Variants in MARCHF1 observed in about 807,000 individuals in gnomAD.
MARCHF1 encodes E3 ubiquitin-protein ligase MARCHF1.
Under a neutral mutation model 54.2 loss-of-function variants are expected in MARCHF1, and 40 were observed. That is an observed-to-expected ratio of 0.74 (90% confidence interval 0.57 to 0.96). The LOEUF (loss-of-function observed/expected upper bound fraction) is 0.96. Ranked by LOEUF, MARCHF1 falls within the 40% of genes least tolerant of loss-of-function variation. The pLI is 0.00. For missense variants in MARCHF1, 586 were observed against 656.5 expected (o/e 0.89, Z 1.17); for synonymous variants, 236 against 236.3 (o/e 1.00, Z 0.01).
At chr4:164,218,036 T>C (rs1159297106) in intron 1 of MARCHF1, among the ~76,000 whole-genome samples, 2 of 152,194 alleles carry the variant, frequency 1.3e-5, no homozygotes, top group East Asian at 1.9e-4. Flanking sequence ...GAGTTTTTCA[T>C]TTAAACAGGC....
intron 4 of MARCHF1, among the ~76,000 whole-genome samples, chr4:163,817,884 T>A (rs575425166): frequency 9.2e-5 from 13 of 142,032 alleles, no homozygotes; most frequent in African/African-American, 3.5e-4. Flanking sequence ...CACCGCATGT[T>A]CTCACTCATA....
intron 4 of MARCHF1, among the ~76,000 whole-genome samples, chr4:163,828,054 C>CACACACACACACACACACAGAG (rs774603753): frequency 1.3e-5 from 2 of 148,204 alleles, no homozygotes; most frequent in East Asian, 2.0e-4. Flanking sequence ...CACACACACA[C>CACACACACACACACACACAGAG]AGACACACCT....
chr4:164,256,792 C>T (rs6839880), intron 1 of MARCHF1, among the ~76,000 whole-genome samples: 74,728 of 152,038 alleles, frequency 0.49, 20,606 homozygotes, highest in Non-Finnish European at 0.64. Context: ...CTATGCCCAA[C>T]GGCATATACT....
intron 5 of MARCHF1, among the ~76,000 whole-genome samples, chr4:163,633,314 T>C (rs1742179010): frequency 6.6e-6 from 1 of 152,104 alleles, no homozygotes; most frequent in Non-Finnish European, 1.5e-5. Flanking sequence ...TGGGAGGACA[T>C]TCAAACCAAA....
intron 3 of MARCHF1, among the ~76,000 whole-genome samples, chr4:163,886,687 C>T (rs1226772119): frequency 1.3e-5 from 2 of 151,968 alleles, no homozygotes; most frequent in African/African-American, 2.4e-5. Flanking sequence ...ATTCTCACTT[C>T]CAAACTAAAA....
chr4:164,356,908 C>T (rs1730569158), intron 1 of MARCHF1, among the ~76,000 whole-genome samples: 1 of 150,642 alleles, frequency 6.6e-6, no homozygotes, highest in African/African-American at 2.4e-5. Flanking sequence ...ATGTTGAGAA[C>T]ACATGGACAC....
chr4:164,016,970 G>GA (rs1322418231), intron 2 of MARCHF1, among the ~76,000 whole-genome samples: 4 of 151,332 alleles, frequency 2.6e-5, no homozygotes, highest in Non-Finnish European at 5.9e-5. Context: ...CTAAAAATTG[G>GA]AAAAAACCCT....
At chr4:164,343,482 A>T (rs1253829500) in intron 1 of MARCHF1, among the ~76,000 whole-genome samples, 1 of 152,202 alleles carries the variant, frequency 6.6e-6, no homozygotes, top group African/African-American at 2.4e-5. Context: ...AAGGTCTAGT[A>T]TTGAGAATCT....
intron 2 of MARCHF1, among the ~76,000 whole-genome samples, chr4:164,019,623 A>G (rs1295283558): frequency 6.6e-6 from 1 of 152,234 alleles, no homozygotes; most frequent in Admixed American, 6.5e-5. Context: ...TGTCTTTGAC[A>G]CTTCGTGGAT....
At chr4:163,792,798 G>A (rs1356841689) in intron 4 of MARCHF1, among the ~76,000 whole-genome samples, 2 of 152,132 alleles carry the variant, frequency 1.3e-5, no homozygotes, top group Admixed American at 6.6e-5. Context: ...TCAGTTTTAA[G>A]GGAAAGTTAG....
intron 4 of MARCHF1, among the ~76,000 whole-genome samples, chr4:163,822,068 A>G (rs528843488): frequency 6.6e-6 from 1 of 152,068 alleles, no homozygotes; most frequent in Admixed American, 6.6e-5. Flanking sequence ...ACTTTTAATT[A>G]CTTTTTATTT....
chr4:163,620,650 C>T (rs1225323783), intron 5 of MARCHF1, among the ~76,000 whole-genome samples: 9 of 146,232 alleles, frequency 6.2e-5, no homozygotes, highest in African/African-American at 1.0e-4. Flanking sequence ...GAGAGAGACA[C>T]GCACACACAC....
chr4:164,268,516 A>G (rs1001651201), intron 1 of MARCHF1, among the ~76,000 whole-genome samples: 3 of 152,092 alleles, frequency 2.0e-5, no homozygotes, highest in Non-Finnish European at 4.4e-5. Flanking sequence ...AAATTCCTAT[A>G]AGCTTGGGTT....
At chr4:163,634,615 CA>C (rs1031925656) in intron 5 of MARCHF1, among the ~76,000 whole-genome samples, 3 of 152,118 alleles carry the variant, frequency 2.0e-5, no homozygotes, top group South Asian at 2.1e-4. Flanking sequence ...GAGTGACCTA[CA>C]AAGAGACTTA....
chr4:164,262,343 G>C (rs1733491504), intron 1 of MARCHF1, among the ~76,000 whole-genome samples: 1 of 152,054 alleles, frequency 6.6e-6, no homozygotes, highest in Non-Finnish European at 1.5e-5. Flanking sequence ...CACCAAACAA[G>C]TGTGGCTCAC....
At chr4:163,900,426 C>T (rs1750914873) in intron 3 of MARCHF1, among the ~76,000 whole-genome samples, 1 of 151,682 alleles carries the variant, frequency 6.6e-6, no homozygotes, top group South Asian at 2.1e-4. Context: ...AATCTCTGTC[C>T]CAGAAAATGC....
intron 3 of MARCHF1, among the ~76,000 whole-genome samples, chr4:163,857,567 T>A (rs1749803380): frequency 6.6e-6 from 1 of 152,156 alleles, no homozygotes; most frequent in East Asian, 1.9e-4. Flanking sequence ...GATACAGCAA[T>A]GAGCAACTTA....
At chr4:163,533,441 C>T (rs1004775433) in intron 9 of MARCHF1, among the ~76,000 whole-genome samples, 1 of 151,774 alleles carries the variant, frequency 6.6e-6, no homozygotes. Context: ...GGACGTTACA[C>T]GTTTGTCAAA....
intron 2 of MARCHF1, among the ~76,000 whole-genome samples, chr4:164,036,035 A>T (rs1753988759): frequency 6.7e-6 from 1 of 149,370 alleles, no homozygotes; most frequent in African/African-American, 2.5e-5. Flanking sequence ...TGTGAGAGGC[A>T]GAGGTTGCAG....
Sources: gnomAD v4.1 joint callset for allele counts (sites outside exome capture counted in the v4.1 genomes callset) on GRCh38, gnomAD v4.1.1 for gene constraint, MANE v1.5 for transcripts, NCBI Gene and HGNC (gene_info 2026-07-23, HGNC 2026-07-21) for gene names.